NBEA: variants seen among roughly 807,000 people sequenced by gnomAD.
NBEA encodes neurobeachin.
A neutral mutation model predicts 343.4 loss-of-function variants in NBEA; 44 were observed. That is an observed-to-expected ratio of 0.13 (90% CI 0.10 to 0.16). The LOEUF is 0.16. Among genes scored for constraint, NBEA ranks in the 10% least tolerant of loss-of-function variants. NBEA has a pLI of 1.00. For missense variants in NBEA, 2,555 were observed against 3,631.3 expected, an observed-to-expected ratio of 0.70 and a Z score of 7.62; for synonymous variants, 1,175 against 1,238.7, an observed-to-expected ratio of 0.95 and a Z score of 1.08.
chr13:35,373,747 A>G (rs2041583866), intron 38 of NBEA, among the ~76,000 whole-genome samples: 1 of 151,968 alleles, frequency 6.6e-6, no homozygotes, highest in Non-Finnish European at 1.5e-5. Context: ...CCTAAGAAAG[A>G]GAAAATATAT....
intron 13 of NBEA, among the ~76,000 whole-genome samples, chr13:35,114,333 A>G (rs1246114611): frequency 2.0e-5 from 3 of 152,312 alleles, no homozygotes; most frequent in Admixed American, 2.0e-4. Context: ...TTCTTCTTCA[A>G]TAGTGAGAAA....
chr13:35,113,585 T>TCATC (rs745607830), intron 13 of NBEA, among the ~76,000 whole-genome samples: 1,438 of 99,744 alleles, frequency 0.014, 11 homozygotes, highest in African/African-American at 0.033. Flanking sequence ...ACTCCTCCAC[T>TCATC]CATCTATCTA....
intron 31 of NBEA, among the ~76,000 whole-genome samples, chr13:35,198,398 G>A (rs954762225): frequency 1.3e-5 from 2 of 152,028 alleles, no homozygotes; most frequent in African/African-American, 4.8e-5. Context: ...ATTTACATAT[G>A]AAAATCCAAT....
chr13:35,133,277 C>G (rs188501075), intron 17 of NBEA, among the ~76,000 whole-genome samples: 5 of 152,068 alleles, frequency 3.3e-5, no homozygotes, highest in African/African-American at 1.2e-4. Flanking sequence ...CAGTAGTAAT[C>G]AAGAAAATGC....
intron 38 of NBEA, among the ~76,000 whole-genome samples, chr13:35,355,424 A>G (rs2040437299): frequency 6.6e-6 from 1 of 152,128 alleles, no homozygotes; most frequent in Non-Finnish European, 1.5e-5. Context: ...AAATTTAATT[A>G]ATTAAAATTT....
chr13:35,095,312 AATAT>A (rs1345769584), intron 10 of NBEA, among the ~76,000 whole-genome samples: 2 of 150,776 alleles, frequency 1.3e-5, no homozygotes, highest in African/African-American at 2.4e-5. Context: ...ATGGAATATA[AATAT>A]ATATATTTTA....
intron 55 of NBEA, among the ~76,000 whole-genome samples, chr13:35,657,412 C>A (rs2084866357): frequency 6.6e-6 from 1 of 152,100 alleles, no homozygotes; most frequent in Non-Finnish European, 1.5e-5. Flanking sequence ...AATTAGTTAC[C>A]AATTCTGTTA....
At chr13:34,949,434 C>T (rs745771723) in intron 1 of NBEA, among the ~76,000 whole-genome samples, 6 of 152,198 alleles carry the variant, frequency 3.9e-5, no homozygotes, top group Non-Finnish European at 7.3e-5. Context: ...TAAACAAAGG[C>T]CTGCATTCTT....
intron 10 of NBEA, among the ~76,000 whole-genome samples, chr13:35,073,014 A>C (rs568918713): frequency 2.0e-5 from 3 of 152,278 alleles, no homozygotes; most frequent in African/African-American, 7.2e-5. Context: ...AGTATCCTAA[A>C]TATCTGAGAT....
At chr13:35,183,075 G>C (rs2071425686) in intron 29 of NBEA, among the ~76,000 whole-genome samples, 1 of 151,922 alleles carries the variant, frequency 6.6e-6, no homozygotes, top group African/African-American at 2.4e-5. Context: ...AGTTAACATG[G>C]ACAACAATGA....
intron 1 of NBEA, among the ~76,000 whole-genome samples, chr13:34,981,256 A>G (rs1258686723): frequency 1.3e-5 from 2 of 152,190 alleles, no homozygotes; most frequent in African/African-American, 2.4e-5. Context: ...AAGTAATATT[A>G]TGTGGATATA....
Position 35,109,421 on chromosome 13 carries a change from C to A in NBEA, c.1812C>A (p.Ile604=), listed in dbSNP as rs752699725. 7 of 1,610,876 alleles carry A rather than the reference C, an allele frequency of 4.3e-6. 1 individual carries two copies. The South Asian group carries it at 5.5e-5, about 13-fold the overall frequency. ...LCDHILFNPA[I]WIHTPAKVQL... Reference sequence around the variant, plus strand: ...ATCACATTTTATTTAACCCAGCCATCTGGATACATACACCTGCAAAGGTAT... The same window carrying A: ...ATCACATTTTATTTAACCCAGCCATATGGATACATACACCTGCAAAGGTAT... Residue 604 remains isoleucine (I), a synonymous_variant, in exon 12 of 59, where the codon ATC becomes ATA. Transcript: ENST00000379939.
At chr13:35,617,391 G>C (rs539373362) in intron 48 of NBEA, among the ~76,000 whole-genome samples, 2 of 152,328 alleles carry the variant, frequency 1.3e-5, no homozygotes, top group African/African-American at 4.8e-5. Context: ...TGGATCACGT[G>C]TAGGAGTGCC....
chr13:35,152,765 T>C (rs1566370915), intron 18 of NBEA, among the ~76,000 whole-genome samples: 1 of 152,172 alleles, frequency 6.6e-6, no homozygotes. Context: ...CATGTGGCTG[T>C]TGAACACTTA....
At chr13:34,988,845 C>G (rs2060651316) in intron 1 of NBEA, among the ~76,000 whole-genome samples, 1 of 150,330 alleles carries the variant, frequency 6.7e-6, no homozygotes, top group African/African-American at 2.4e-5. Flanking sequence ...TCTTATTTTT[C>G]TGTAAACAGC....
chr13:35,539,881 A>T (rs1034238304), intron 41 of NBEA, among the ~76,000 whole-genome samples: 16 of 124,952 alleles, frequency 1.3e-4, no homozygotes, highest in African/African-American at 5.0e-4. Flanking sequence ...CTGCCACTGC[A>T]CTCCAGCCTG....
intron 41 of NBEA, among the ~76,000 whole-genome samples, chr13:35,480,427 G>T (rs1487277500): frequency 6.6e-6 from 1 of 151,918 alleles, no homozygotes; most frequent in African/African-American, 2.4e-5. Flanking sequence ...CTGGAAAAAA[G>T]GTATCTGTTA....
chr13:35,556,431 T>C (rs2079575439), intron 44 of NBEA, among the ~76,000 whole-genome samples: 1 of 152,080 alleles, frequency 6.6e-6, no homozygotes, highest in African/African-American at 2.4e-5. Context: ...GGACTTTTAA[T>C]ATTTTAATAG....
intron 1 of NBEA, among the ~76,000 whole-genome samples, chr13:35,020,545 G>T (rs779813657): frequency 2.0e-5 from 3 of 152,126 alleles, no homozygotes; most frequent in Admixed American, 6.5e-5. Context: ...GTAAGACAGA[G>T]TCTCACTCTG....
Sources: allele counts gnomAD v4.1 joint callset (sites outside exome capture counted in the v4.1 genomes callset), GRCh38; gene constraint gnomAD v4.1.1; transcripts MANE v1.5; gene names NCBI Gene and HGNC (gene_info 2026-07-23, HGNC 2026-07-21).